Variants in ZNF107 observed in about 807,000 individuals in gnomAD.
ZNF107 encodes C2H2 type zinc-finger protein.
A neutral mutation model predicts 12.3 loss-of-function variants in ZNF107; 19 were observed. The ratio of observed to expected loss-of-function variants is 1.55; its 90% confidence interval spans 1.08 to 2.27. ZNF107 has a LOEUF of 2.27. Ranked by LOEUF, ZNF107 falls within the 30% of genes most tolerant of loss-of-function variation. The probability of loss-of-function intolerance (pLI) is 0.00; values close to 1 mark genes in which losing one functional copy is unlikely to be tolerated. For synonymous variants in ZNF107, 317 were observed against 330.5 expected (o/e 0.96, Z 0.44); for missense variants, 958 against 979.9 (o/e 0.98, Z 0.30).
At chr7:64,680,341 C>T (rs982746198) in intron 1 of ZNF107, among the ~76,000 whole-genome samples, 1 of 152,148 alleles carries the variant, frequency 6.6e-6, no homozygotes, top group Non-Finnish European at 1.5e-5. Context: ...CCTGGAGTGA[C>T]TTAAATGTCA....
rs368835795 is a variant in ZNF107 at position 64,706,465 on chromosome 7, G to A, written c.368G>A (p.Cys123Tyr). The change falls in exon 4 of 4, where the codon TGT (cysteine) becomes TAT (tyrosine). Residue 123 changes from cysteine (C) to tyrosine (Y), a missense_variant. Coordinates refer to ENST00000620827, the MANE Select transcript of ZNF107 (RefSeq NM_001282359.2). Reference sequence around the variant, plus strand: ...AAAGGCTGTAAACATGTGGATGAGTGTACGGGGCACAAAGGAGGTCATAAT... The same window carrying A: ...AAAGGCTGTAAACATGTGGATGAGTATACGGGGCACAAAGGAGGTCATAAT... ...LRKGCKHVDE[C>Y]TGHKGGHNTV... is the part of the protein sequence containing the mutation. The A allele has an allele frequency of 2.4e-5, 38 of 1,613,564 alleles. No homozygotes were observed. Among genetic ancestry groups the A allele is most frequent in the Non-Finnish European group, 3.2e-5 (38 of 1,179,726 alleles).
In ZNF107 at chr7:64,706,919, A is replaced by G. The variant is rs763918853; in HGVS notation, c.822A>G (p.Ile274Met). 12 of 1,612,226 alleles carry G rather than the reference A, an allele frequency of 7.4e-6. No individual in the cohort carries two copies. The highest frequency in any genetic ancestry group is 3.4e-5 in the Admixed American group (2 of 59,660). The change falls in exon 4 of 4, where the codon ATA becomes ATG. Residue 274 changes from isoleucine to methionine, a missense_variant. Coordinates refer to ENST00000620827, the MANE Select transcript of ZNF107 (RefSeq NM_001282359.2). Reference sequence around the variant, plus strand: ...TTAAACAGGCCTCACACCTTACTATACATAAAATAATTCATACTGGAGAAA... The same window carrying G: ...TTAAACAGGCCTCACACCTTACTATGCATAAAATAATTCATACTGGAGAAA... ...KAFKQASHLTIHKIIHTGEKP... is the reference protein window; with the variant it reads ...KAFKQASHLTMHKIIHTGEKP...
chr7:64,701,470 A>G lies in ZNF107; in HGVS notation c.227-4854A>G, dbSNP rs572109801. 5.3e-5 allele frequency among the ~76,000 whole-genome samples: 8 copies of G among 150,866 alleles called. No individual in the cohort carries two copies. In the South Asian group the frequency reaches 1.7e-3, roughly 32 times the overall value. ...TTTTCTAGTAGAGACAGGGTTTACCATGTTGGCCAGGCTGGTCTTAGCCTC... is the reference window on the plus strand; with the variant it reads ...TTTTCTAGTAGAGACAGGGTTTACCGTGTTGGCCAGGCTGGTCTTAGCCTC... On this transcript the variant is annotated intron_variant, in intron 3 of 3. Coordinates refer to ENST00000620827, the MANE Select transcript of ZNF107 (RefSeq NM_001282359.2).
intron 1 of ZNF107, among the ~76,000 whole-genome samples, chr7:64,683,033 G>A (rs544309285): frequency 3.3e-5 from 5 of 152,164 alleles, no homozygotes; most frequent in East Asian, 1.9e-4. Context: ...ACCAATTTTC[G>A]CCAGCCAAGG....
At chr7:64,691,027 C>T (rs1055444417) in intron 1 of ZNF107, among the ~76,000 whole-genome samples, 2 of 151,956 alleles carry the variant, frequency 1.3e-5, no homozygotes, top group African/African-American at 2.4e-5. Flanking sequence ...CGTGAGCCAC[C>T]GCGCTCGGCC....
At chr7:64,686,433 A>G (rs1789914450) in intron 1 of ZNF107, 3 of 825,132 alleles carry the variant, frequency 3.6e-6, no homozygotes, top group South Asian at 5.6e-5. Flanking sequence ...ACTGCCCCTC[A>G]ATGTCACCCC....
Position 64,706,765 on chromosome 7 carries a change from A to T in ZNF107, c.668A>T (p.His223Leu). ...ACTCTTACTAAACATAAGAGAATTCATACTGGAGAAAAGCCCTACAAATGT... is the reference window on the plus strand; with the variant it reads ...ACTCTTACTAAACATAAGAGAATTCTTACTGGAGAAAAGCCCTACAAATGT... Reference protein sequence around the residue: ...FSTLTKHKRIHTGEKPYKCEE... With the variant: ...FSTLTKHKRILTGEKPYKCEE... Residue 223 changes from histidine (H) to leucine (L), a missense_variant, in exon 4 of 4, where the codon CAT (histidine) becomes CTT (leucine). Physicochemically the swap from His to Leu is moderately conservative, Grantham distance 99 (BLOSUM62 -3). Transcript: ENST00000620827. The T allele has an allele frequency of 6.2e-7, 1 of 1,613,338 alleles. No homozygotes were observed. The highest frequency in any genetic ancestry group is 8.5e-7 in the Non-Finnish European group (1 of 1,179,770).
chr7:64,685,769 C>G (rs985142926), intron 1 of ZNF107, among the ~76,000 whole-genome samples: 1 of 152,140 alleles, frequency 6.6e-6, no homozygotes, highest in African/African-American at 2.4e-5. Context: ...GGAACTTCAA[C>G]CTATGTCTGC....
At chr7:64,702,591 G>A (rs1009457800) in intron 3 of ZNF107, among the ~76,000 whole-genome samples, 5 of 148,086 alleles carry the variant, frequency 3.4e-5, no homozygotes, top group Non-Finnish European at 7.4e-5. Context: ...ACAAAGTTTC[G>A]CTCTTGTTCA....
chr7:64,675,258 A>G (rs181485701), intron 1 of ZNF107, among the ~76,000 whole-genome samples: 50 of 152,164 alleles, frequency 3.3e-4, no homozygotes, highest in African/African-American at 1.2e-3. Context: ...TTGGCTATTT[A>G]TTAGTAATTT....
chr7:64,679,043 G>C (rs562271964), intron 1 of ZNF107: 1 of 157,116 alleles, frequency 6.4e-6, no homozygotes, highest in African/African-American at 2.4e-5. Flanking sequence ...GATGAAAGAG[G>C]AACCTTACTT....
Position 64,706,384 on chromosome 7 carries a change from A to G in ZNF107, c.287A>G (p.Gln96Arg), listed in dbSNP as rs1351333390. The change falls in exon 4 of 4, where the codon CAG becomes CGG. Residue 96 changes from glutamine (Q) to arginine (R), a missense_variant. Gln to Arg is a conservative substitution (Grantham distance 43). Coordinates refer to ENST00000620827, the MANE Select transcript of ZNF107 (RefSeq NM_001282359.2). Reference sequence around the variant, plus strand: ...GAGCAGAACATAAAAGATTCTTTCCAGAAAGTGACACTGAGAAGATACGGA... The same window carrying G: ...GAGCAGAACATAAAAGATTCTTTCCGGAAAGTGACACTGAGAAGATACGGA... Reference protein sequence around the residue: ...WPEQNIKDSFQKVTLRRYGKC... With the variant: ...WPEQNIKDSFRKVTLRRYGKC... The G allele has an allele frequency of 5.0e-6, 8 of 1,610,680 alleles. No individual in the cohort carries two copies. Among genetic ancestry groups the G allele is most frequent in the Non-Finnish European group, 6.8e-6 (8 of 1,178,214 alleles).
At chr7:64,696,261 C>T (rs886100175) in intron 3 of ZNF107, among the ~76,000 whole-genome samples, 3 of 152,034 alleles carry the variant, frequency 2.0e-5, no homozygotes, top group Admixed American at 6.6e-5. Context: ...CCATGCTGGC[C>T]AGGCTGGTCT....
chr7:64,674,635 A>G (rs932703930), intron 1 of ZNF107, among the ~76,000 whole-genome samples: 2 of 152,150 alleles, frequency 1.3e-5, no homozygotes, highest in Non-Finnish European at 2.9e-5. Flanking sequence ...CACCAATTCT[A>G]TGTTGAATAG....
rs1790871979 is a variant in ZNF107 at position 64,711,052 on chromosome 7, T to G, written c.*2396T>G. On this transcript the variant is annotated 3_prime_UTR_variant, in exon 4 of 4. Transcript: ENST00000620827. Reference sequence around the variant, plus strand: ...TTTTTGGATTATGCGTGAACTTAGTTTTTTAATTAAACTTTTTTTAACATG... The same window carrying G: ...TTTTTGGATTATGCGTGAACTTAGTGTTTTAATTAAACTTTTTTTAACATG... The G allele has an allele frequency of 6.6e-6, 1 of 152,150 alleles. No homozygotes were observed. Among genetic ancestry groups the G allele is most frequent in the South Asian group, 2.1e-4 (1 of 4,838 alleles). 9.4% of individuals were successfully genotyped at this position (152,150 alleles called of 1,614,324 possible).
intron 1 of ZNF107, chr7:64,684,773 C>T (rs950857466): frequency 6.2e-6 from 6 of 966,256 alleles, no homozygotes; most frequent in Non-Finnish European, 3.7e-6. Flanking sequence ...CCAGATGAGA[C>T]GCCTCTGTTT....
rs1306609757 is a variant in ZNF107 at position 64,709,000 on chromosome 7, C to G, written c.*344C>G. The G allele has an allele frequency of 2.2e-6, 1 of 455,898 alleles. No homozygotes were observed. The highest frequency in any genetic ancestry group is 4.2e-6 in the Non-Finnish European group (1 of 238,644). The allele number at this position is 455,898 out of a possible 1,614,324, so 28.2% of individuals were successfully genotyped here. The stretch of plus-strand genomic sequence containing the variant: ...TGTGGCAATGCCTTTAATCAGTCCT[C>G]ACACCTTTCTACACATAAGATAATT... On this transcript the variant is annotated 3_prime_UTR_variant, in exon 4 of 4. Transcript: ENST00000620827.
rs2128969918 is a variant in ZNF107, at chr7:64,708,777, T to C, written c.*121T>C. 3 of 962,570 alleles carry C rather than the reference T, an allele frequency of 3.1e-6. No homozygotes were observed. Among genetic ancestry groups the C allele is most frequent in the Middle Eastern group, 4.6e-4 (2 of 4,316 alleles). 59.6% of individuals were successfully genotyped at this position (962,570 alleles called of 1,614,324 possible). On this transcript the variant is annotated 3_prime_UTR_variant, in exon 4 of 4. Transcript: ENST00000620827. ...TTTTCTGCACACACGAGGTATTTTA[T>C]ACTGGTGAGAAACCTTACAATGTAA...
At chr7:64,702,155 AT>A (rs201702231) in intron 3 of ZNF107, among the ~76,000 whole-genome samples, 7 of 149,092 alleles carry the variant, frequency 4.7e-5, no homozygotes, top group African/African-American at 7.4e-5. Context: ...AAACAGTTTT[AT>A]TTTTTTTTTT....
Sources: allele counts gnomAD v4.1 joint callset (sites outside exome capture counted in the v4.1 genomes callset), GRCh38; gene constraint gnomAD v4.1.1; transcripts MANE v1.5; gene names NCBI Gene and HGNC (gene_info 2026-07-23, HGNC 2026-07-21).